FBXO15: variants seen among roughly 807,000 people sequenced by gnomAD.
The protein encoded by FBXO15 is F-box protein 15, also known as F-box only protein 15.
A neutral mutation model predicts 49.5 loss-of-function variants in FBXO15; 30 were observed. The ratio of observed to expected loss-of-function variants is 0.61; its 90% CI spans 0.45 to 0.82. FBXO15 has a LOEUF of 0.82. Ranked by LOEUF, FBXO15 falls within the 40% of genes least tolerant of loss-of-function variation. FBXO15 has a pLI of 0.00. For missense variants in FBXO15, 591 were observed against 631.5 expected, an observed-to-expected ratio of 0.94 and a Z score of 0.69; for synonymous variants, 250 against 232.7, an observed-to-expected ratio of 1.07 and a Z score of -0.68.
chr18:74,135,265 T>C (rs1032754797), intron 3 of FBXO15, among the ~76,000 whole-genome samples: 5 of 152,224 alleles, frequency 3.3e-5, no homozygotes, highest in African/African-American at 7.2e-5. Context: ...TCTCTATCCA[T>C]TTCGCTCTCC....
chr18:74,138,102 G>A (rs1978833746), intron 2 of FBXO15, among the ~76,000 whole-genome samples: 2 of 152,056 alleles, frequency 1.3e-5, no homozygotes, highest in South Asian at 4.2e-4. Flanking sequence ...TCTCTCATCT[G>A]AAACTGCACT....
At chr18:74,117,713 T>C (rs896263716) in intron 8 of FBXO15, among the ~76,000 whole-genome samples, 2 of 152,064 alleles carry the variant, frequency 1.3e-5, no homozygotes, top group Non-Finnish European at 2.9e-5. Flanking sequence ...GGAAGTGAAA[T>C]AACACGAAAC....
At chr18:74,146,280 T>C (rs17088847) in intron 1 of FBXO15, among the ~76,000 whole-genome samples, 13,374 of 152,296 alleles carry the variant, frequency 0.088, 1,085 homozygotes, top group African/African-American at 0.21. Context: ...CACAGCGATA[T>C]ATTAAAATAA....
In FBXO15 at chr18:74,074,491, C is replaced by T. The variant is rs933565014; in HGVS notation, c.1264-761G>A. ...CACTCCCACAGTCACATGGCCGACA[C>T]AGCACTTCCCGGAAGTGGTCCACTT... On this transcript the variant is annotated intron_variant, in intron 9 of 9. Coordinates refer to ENST00000419743, the MANE Select transcript of FBXO15 (RefSeq NM_001142958.2). The surrounding 1 kb of genome is among the most constrained non-coding windows in gnomAD (Gnocchi z 4.7). 6.6e-5 allele frequency among the ~76,000 whole-genome samples: 10 copies of T among 152,188 alleles called. No homozygotes were observed. The highest frequency in any genetic ancestry group is 1.5e-4 in the Non-Finnish European group (10 of 68,034).
chr18:74,080,250 G>A (rs1912433586), intron 9 of FBXO15, among the ~76,000 whole-genome samples: 1 of 152,188 alleles, frequency 6.6e-6, no homozygotes. Context: ...CAAGACATAT[G>A]ACATCACTGA....
At chr18:74,088,471 T>C (rs1476397570) in intron 8 of FBXO15, among the ~76,000 whole-genome samples, 1 of 152,212 alleles carries the variant, frequency 6.6e-6, no homozygotes, top group African/African-American at 2.4e-5. Flanking sequence ...CCTTTCCCCA[T>C]TGCATGTTTT....
intron 8 of FBXO15, 103 bp from the exon 9 acceptor site, chr18:74,082,154 C>T (rs1912530013): frequency 3.1e-6 from 4 of 1,276,702 alleles, no homozygotes; most frequent in Non-Finnish European, 4.3e-6. Context: ...CCCTGGTAAG[C>T]CCTGGCCTCA....
chr18:74,124,451 T>C (rs1211535907), intron 7 of FBXO15, 38 bp downstream of exon 7: 3 of 1,504,224 alleles, frequency 2.0e-6, no homozygotes, highest in East Asian at 4.5e-5. Flanking sequence ...TTATATTTAC[T>C]GTACAAAAAT....
chr18:74,118,649 G>A (rs895185183), intron 8 of FBXO15, among the ~76,000 whole-genome samples: 7 of 151,960 alleles, frequency 4.6e-5, no homozygotes, highest in African/African-American at 1.7e-4. Flanking sequence ...TTAGTGTCTT[G>A]GAAGCAATTT....
chr18:74,119,327 T>C (rs1346015081), intron 8 of FBXO15, among the ~76,000 whole-genome samples: 2 of 152,232 alleles, frequency 1.3e-5, no homozygotes, highest in Non-Finnish European at 2.9e-5. Flanking sequence ...CTCAACTGCA[T>C]GGCCTTTGGG....
chr18:74,096,576 A>T (rs374457619), intron 8 of FBXO15, among the ~76,000 whole-genome samples: 4 of 151,932 alleles, frequency 2.6e-5, no homozygotes, highest in Non-Finnish European at 4.4e-5. Flanking sequence ...CTAATCATTC[A>T]GTGGAAAGAT....
rs1007833226 is a variant in FBXO15 at position 74,135,953 on chromosome 18, T to A, written c.228-87A>T. 1.2e-5 allele frequency: 13 copies of A among 1,063,504 alleles called. No individual in the cohort carries two copies. In the African/African-American group the frequency reaches 2.1e-4, roughly 17 times the overall value. The allele number at this position is 1,063,504 out of a possible 1,614,324, so 65.9% of individuals were successfully genotyped here. On this transcript the variant is annotated intron_variant, in intron 2 of 9. Transcript: ENST00000419743. The stretch of plus-strand genomic sequence containing the variant: ...TACCCAGAAAACAACTGGCTGCTCA[T>A]CTCTAAATAGAAGGCCGTAGAGAGA...
intron 9 of FBXO15, chr18:74,076,152 G>A (rs949121764): frequency 2.0e-5 from 3 of 152,220 alleles, no homozygotes; most frequent in Non-Finnish European, 4.4e-5. Flanking sequence ...CTCCCTCCTA[G>A]CCCTGACGAG....
chr18:74,128,368 C>T (rs1050836141), intron 5 of FBXO15, among the ~76,000 whole-genome samples: 2 of 150,618 alleles, frequency 1.3e-5, no homozygotes, highest in Non-Finnish European at 2.9e-5. Context: ...TCCAGGGAAA[C>T]CATGAAAGAA....
At chr18:74,143,463 T>C (rs1228349330) in intron 1 of FBXO15, among the ~76,000 whole-genome samples, 13 of 152,180 alleles carry the variant, frequency 8.5e-5, no homozygotes. Context: ...ACAAACGTTA[T>C]GGAAAGCCAA....
At chr18:74,079,959 C>T (rs997854644) in intron 9 of FBXO15, among the ~76,000 whole-genome samples, 4 of 152,338 alleles carry the variant, frequency 2.6e-5, no homozygotes, top group East Asian at 3.9e-4. Flanking sequence ...ATTTGGGTGA[C>T]GTACTTTCTC....
chr18:74,078,382 C>T (rs1240108566), intron 9 of FBXO15: 1 of 150,948 alleles, frequency 6.6e-6, no homozygotes, highest in African/African-American at 2.4e-5. Context: ...GTCACTGTCC[C>T]TCCTGTCCCC....
chr18:74,134,845 T>C (rs1436256143), intron 3 of FBXO15, among the ~76,000 whole-genome samples: 2 of 152,136 alleles, frequency 1.3e-5, no homozygotes, highest in Non-Finnish European at 2.9e-5. Context: ...GGTTAACTAA[T>C]ATGACAGCTC....
intron 8 of FBXO15, among the ~76,000 whole-genome samples, chr18:74,090,123 A>T (rs956733756): frequency 4.6e-5 from 7 of 152,066 alleles, no homozygotes; most frequent in African/African-American, 1.4e-4. Context: ...CAGGGATTCA[A>T]TTTCTTCCTG....
Sources: gnomAD v4.1 joint callset for allele counts (sites outside exome capture counted in the v4.1 genomes callset) on GRCh38, gnomAD v4.1.1 for gene constraint, Gnocchi (gnomAD v3.1) non-coding constraint, MANE v1.5 for transcripts, NCBI Gene and HGNC (gene_info 2026-07-23, HGNC 2026-07-21) for gene names.